Variants in LMBRD2 observed in about 807,000 individuals in gnomAD.
The protein encoded by LMBRD2 is LMBR1 domain containing 2.
LMBRD2 carries 55 observed loss-of-function variants against 94.4 expected under a neutral mutation model. That is an observed-to-expected ratio of 0.58 (90% CI 0.47 to 0.73). The LOEUF (loss-of-function observed/expected upper bound fraction) is 0.73, where lower values mean the gene tolerates loss of function less well. Ranked by LOEUF, LMBRD2 falls within the 30% of genes least tolerant of loss-of-function variation. The probability of loss-of-function intolerance (pLI) is 0.00; values close to 1 mark genes in which losing one functional copy is unlikely to be tolerated. For missense variants in LMBRD2, 640 were observed against 831.9 expected, an observed-to-expected ratio of 0.77 and a Z score of 2.84; for synonymous variants, 246 against 272.4, an observed-to-expected ratio of 0.90 and a Z score of 0.95.
intron 16 of LMBRD2, among the ~76,000 whole-genome samples, chr5:36,105,580 A>C (rs1743446775): frequency 6.6e-6 from 1 of 152,158 alleles, no homozygotes; most frequent in African/African-American, 2.4e-5. Context: ...TTTAATGTGT[A>C]ATCAGCTCAA....
chr5:36,131,447 ACC>A (rs1744150285), intron 6 of LMBRD2, among the ~76,000 whole-genome samples: 1 of 152,150 alleles, frequency 6.6e-6, no homozygotes, highest in Non-Finnish European at 1.5e-5. Flanking sequence ...GCCCACTTTC[ACC>A]ACTGTTATTC....
chr5:36,106,197 A>G (rs1011745550), intron 16 of LMBRD2, among the ~76,000 whole-genome samples: 1 of 152,162 alleles, frequency 6.6e-6, no homozygotes, highest in Non-Finnish European at 1.5e-5. Context: ...GTAAGCAAGC[A>G]TCCAAATCCC....
At chr5:36,106,476 C>T (rs1581039533) in intron 16 of LMBRD2, among the ~76,000 whole-genome samples, 1 of 149,670 alleles carries the variant, frequency 6.7e-6, no homozygotes, top group Middle Eastern at 3.5e-3. Context: ...GAAATCTTAC[C>T]TTTAGGTCAA....
At chr5:36,150,492 G>T (rs867977001) in intron 1 of LMBRD2, among the ~76,000 whole-genome samples, 1 of 151,970 alleles carries the variant, frequency 6.6e-6, no homozygotes, top group Non-Finnish European at 1.5e-5. Context: ...TCCCTTTCCT[G>T]AAGGAAACTA....
At chr5:36,130,236 CAGAT>C (rs1375910620) in intron 6 of LMBRD2, among the ~76,000 whole-genome samples, 7 of 152,036 alleles carry the variant, frequency 4.6e-5, no homozygotes, top group South Asian at 4.2e-4. Context: ...TTTTAAGACA[CAGAT>C]AGTATAATAA....
At chr5:36,109,753 T>C (rs1426939422) in intron 15 of LMBRD2, among the ~76,000 whole-genome samples, 192 bp downstream of exon 15, 1 of 152,124 alleles carries the variant, frequency 6.6e-6, no homozygotes, top group Admixed American at 6.6e-5. Context: ...TAATGACTTT[T>C]AGAACAGGTC....
chr5:36,150,808 C>T (rs1744680570), intron 1 of LMBRD2, among the ~76,000 whole-genome samples: 1 of 152,164 alleles, frequency 6.6e-6, no homozygotes, highest in Non-Finnish European at 1.5e-5. Flanking sequence ...GAGGCAGTTA[C>T]TTTTCAAGCT....
rs773874214 is a variant in LMBRD2, at chr5:36,143,247, T to A, written c.103A>T (p.Ile35Phe). 48 of 1,612,866 alleles carry A rather than the reference T, an allele frequency of 3.0e-5. No homozygotes were observed. In the South Asian group the frequency reaches 5.3e-4, roughly 18 times the overall value. Residue 35 changes from isoleucine (I) to phenylalanine (F), a missense_variant, in exon 2 of 18, where the codon ATT becomes TTT. By Grantham distance (21) the Ile-to-Phe change is conservative. Transcript: ENST00000296603. ...GDFKKQHRLV[I>F]IGTLLAWYLC... ...TACCAAGCAAGCAGTGTTCCAATAA[T>A]CACAAGTCTATGCTGTTTCTTAAAG...
chr5:36,114,970 TATAG>T (rs1561513507), intron 12 of LMBRD2, 41 bp downstream of exon 12: 1 of 1,234,356 alleles, frequency 8.1e-7, no homozygotes, highest in Admixed American at 1.9e-5. Flanking sequence ...CAGCACCTCA[TATAG>T]ATAGTGAACC....
At position 36,122,294 on chromosome 5, in the gene LMBRD2, T is replaced by C. The variant is rs777632901; in HGVS notation, c.1106A>G (p.Tyr369Cys). ...EPENRFIQYFYNPTFEWYWEC... is the reference protein window; with the variant it reads ...EPENRFIQYFCNPTFEWYWEC... ...AAATTACATACCAAATGTAGGATTA[T>C]AAAAATATTGGATAAATCGATTTTC... Residue 369 changes from tyrosine to cysteine, a missense_variant, in exon 9 of 18, where the codon TAT (tyrosine) becomes TGT (cysteine). By Grantham distance (194) the Tyr-to-Cys change is radical. Coordinates refer to ENST00000296603, the MANE Select transcript of LMBRD2 (RefSeq NM_001007527.2). 3 of 1,591,556 alleles carry C rather than the reference T, an allele frequency of 1.9e-6. No homozygotes were observed. Among genetic ancestry groups the C allele is most frequent in the Admixed American group, 3.7e-5 (2 of 53,412 alleles).
rs1744719223 is a variant in LMBRD2, at chr5:36,151,704, C to G, written c.-206G>C. On this transcript the variant is annotated 5_prime_UTR_variant, in exon 1 of 18. Transcript: ENST00000296603. This position sits in a 1 kb window ranked among gnomAD's most constrained non-coding sequence, Gnocchi z 4.7. Reference sequence around the variant, plus strand: ...CTCAAAAGCGCCTCACGCGTTCCGCCTTAGGCTCACCGTCCGATCTCGCCA... The same window carrying G: ...CTCAAAAGCGCCTCACGCGTTCCGCGTTAGGCTCACCGTCCGATCTCGCCA... 6.1e-6 allele frequency: 1 copy of G among 163,994 alleles called. No individual in the cohort carries two copies. The highest frequency in any genetic ancestry group is 5.8e-5 in the Admixed American group (1 of 17,388). 10.2% of individuals were successfully genotyped at this position (163,994 alleles called of 1,614,324 possible).
Position 36,129,704 on chromosome 5 carries a change from A to G in LMBRD2, c.748-5439T>C, listed in dbSNP as rs1744088934. 2.0e-5 allele frequency among the ~76,000 whole-genome samples: 3 copies of G among 152,364 alleles called. No homozygotes were observed. The East Asian group carries it at 5.8e-4, about 29-fold the overall frequency. ...CATTGGTTATAGCAAGTACACAGAA[A>G]AACAAAGAATATTATTAACACTATG... On this transcript the variant is annotated intron_variant, in intron 6 of 17. Transcript: ENST00000296603.
chr5:36,123,434 A>G (rs1373193901), intron 7 of LMBRD2, among the ~76,000 whole-genome samples: 1 of 152,110 alleles, frequency 6.6e-6, no homozygotes, highest in Non-Finnish European at 1.5e-5. Context: ...AACTTAGTTA[A>G]CCTCTCTTAG....
At position 36,103,939 on chromosome 5, in the gene LMBRD2, T is replaced by C; in HGVS notation, c.*107A>G. On this transcript the variant is annotated 3_prime_UTR_variant, in exon 18 of 18. Coordinates refer to ENST00000296603, the MANE Select transcript of LMBRD2 (RefSeq NM_001007527.2). ...ATTCTCAGTGCCTTTTTTGTTATCT[T>C]GACACTTTTCACTGTGTATAGAGGA... The C allele has an allele frequency of 1.4e-6, 1 of 730,254 alleles. No homozygotes were observed. The highest frequency in any genetic ancestry group is 2.8e-5 in the East Asian group (1 of 36,180). The allele number at this position is 730,254 out of a possible 1,614,324, so 45.2% of individuals were successfully genotyped here. A position where few individuals can be genotyped will look rare whatever the true frequency, so the allele number is the denominator to read the frequency against.
intron 15 of LMBRD2, among the ~76,000 whole-genome samples, chr5:36,109,544 A>T (rs776964823): frequency 1.3e-5 from 2 of 152,054 alleles, no homozygotes; most frequent in African/African-American, 2.4e-5. Context: ...TGCCTCAGAA[A>T]ATGGAGGCTT....
intron 12 of LMBRD2, 133 bp from the exon 13 acceptor site, chr5:36,114,654 T>A: frequency 9.1e-7 from 1 of 1,094,806 alleles, no homozygotes; most frequent in Non-Finnish European, 1.2e-6. Flanking sequence ...AAAAAAGCAG[T>A]AAATGGACTT....
At position 36,142,609 on chromosome 5, in the gene LMBRD2, C is replaced by G; in HGVS notation, c.175-10G>C. On this transcript the variant is annotated splice_polypyrimidine_tract_variant and intron_variant, in intron 2 of 17. Transcript: ENST00000296603. ...ACCGGTTGTATATTGTCTAAAGCAACGAATGTATGGTTTAAAAATGAGAAT... is the reference window on the plus strand; with the variant it reads ...ACCGGTTGTATATTGTCTAAAGCAAGGAATGTATGGTTTAAAAATGAGAAT... The G allele has an allele frequency of 6.7e-7, 1 of 1,502,940 alleles. No homozygotes were observed. The highest frequency in any genetic ancestry group is 9.3e-7 in the Non-Finnish European group (1 of 1,079,838). 93.1% of individuals were successfully genotyped at this position (1,502,940 alleles called of 1,614,324 possible).
chr5:36,138,573 G>A (rs755448051), intron 4 of LMBRD2, among the ~76,000 whole-genome samples: 2 of 152,226 alleles, frequency 1.3e-5, no homozygotes, highest in South Asian at 2.1e-4. Context: ...ACAGGGAAGC[G>A]TGAGCGAGGC....
intron 4 of LMBRD2, 79 bp downstream of exon 4, chr5:36,141,028 A>C: frequency 1.3e-6 from 1 of 769,340 alleles, no homozygotes; most frequent in East Asian, 2.6e-5. Flanking sequence ...ACATAAATAA[A>C]TTCCAAACTA....
Sources: allele counts gnomAD v4.1 joint callset (sites outside exome capture counted in the v4.1 genomes callset), GRCh38; gene constraint gnomAD v4.1.1; non-coding constraint Gnocchi (gnomAD v3.1); transcripts MANE v1.5; gene names NCBI Gene and HGNC (gene_info 2026-07-23, HGNC 2026-07-21).